Variants in PLXNA2 observed in about 807,000 individuals in gnomAD.
The protein encoded by PLXNA2 is plexin-A2.
In PLXNA2, 91 loss-of-function variants were observed where a neutral mutation model predicts 193.5. That is an observed-to-expected ratio of 0.47 (90% confidence interval 0.40 to 0.56). The LOEUF (loss-of-function observed/expected upper bound fraction) is 0.56, where lower values mean the gene tolerates loss of function less well. Among genes scored for constraint, PLXNA2 ranks in the 20% least tolerant of loss-of-function variants. The pLI is 0.00. For synonymous variants in PLXNA2, 997 were observed against 1,027.3 expected (o/e 0.97, Z 0.56); for missense variants, 1,995 against 2,503.2 (o/e 0.80, Z 4.33).
intron 3 of PLXNA2, among the ~76,000 whole-genome samples, chr1:208,165,294 G>C (rs1427960746): frequency 6.6e-6 from 1 of 152,118 alleles, no homozygotes; most frequent in Non-Finnish European, 1.5e-5. Flanking sequence ...GGAAATAATA[G>C]TACCCTGTGT....
intron 2 of PLXNA2, among the ~76,000 whole-genome samples, chr1:208,213,393 G>A (rs12747458): frequency 0.16 from 24,068 of 152,172 alleles, 2,155 homozygotes; most frequent in Middle Eastern, 0.2. Context: ...TCAAATCCCC[G>A]CTTTATCACT....
chr1:208,205,942 T>A (rs12568006), intron 3 of PLXNA2, among the ~76,000 whole-genome samples: 1,914 of 152,348 alleles, frequency 0.013, 60 homozygotes, highest in East Asian at 0.12. Context: ...TTTCAAGTCC[T>A]AGCTCTGCCA....
intron 12 of PLXNA2, among the ~76,000 whole-genome samples, chr1:208,064,748 G>T (rs536348922): frequency 6.6e-6 from 1 of 152,282 alleles, no homozygotes; most frequent in South Asian, 2.1e-4. Flanking sequence ...TTAGGATCAA[G>T]GATTCGGAGA....
chr1:208,153,093 A>C (rs769579871), intron 3 of PLXNA2, among the ~76,000 whole-genome samples: 17 of 152,188 alleles, frequency 1.1e-4, no homozygotes, highest in Non-Finnish European at 2.2e-4. Flanking sequence ...CCCTGCACAC[A>C]GTAGGCTCTC....
chr1:208,125,257 G>C (rs1222305539), intron 4 of PLXNA2, among the ~76,000 whole-genome samples: 1 of 152,222 alleles, frequency 6.6e-6, no homozygotes, highest in Non-Finnish European at 1.5e-5. Context: ...GAAGTGATCT[G>C]TATACCAGTG....
intron 9 of PLXNA2, among the ~76,000 whole-genome samples, chr1:208,089,251 G>C (rs1189911458): frequency 6.6e-6 from 1 of 152,128 alleles, no homozygotes; most frequent in Non-Finnish European, 1.5e-5. Context: ...AGATGGATTT[G>C]TGCTGGCCCA....
At position 208,025,953 on chromosome 1, in the gene PLXNA2, A is replaced by T. The variant is rs1314928823; in HGVS notation, c.*1290T>A. 1 of 152,648 alleles carries T rather than the reference A, an allele frequency of 6.6e-6. No homozygotes were observed. Among genetic ancestry groups the T allele is most frequent in the East Asian group, 1.9e-4 (1 of 5,198 alleles). The allele number at this position is 152,648 out of a possible 1,614,324, so 9.5% of individuals were successfully genotyped here. On this transcript the variant is annotated 3_prime_UTR_variant, in exon 32 of 32. Coordinates refer to ENST00000367033, the MANE Select transcript of PLXNA2 (RefSeq NM_025179.4). ...AGTGCTGTAGGCCCAGATGGTCAGG[A>T]GCTTCCGTATATGAGCGAAGGGTGG...
chr1:208,152,668 TACAC>T (rs10564360), intron 3 of PLXNA2, among the ~76,000 whole-genome samples: 4 of 137,536 alleles, frequency 2.9e-5, no homozygotes, highest in African/African-American at 8.5e-5. Flanking sequence ...TGCATACACA[TACAC>T]ACACACACAC....
At chr1:208,234,539 T>C (rs1671792650) in intron 1 of PLXNA2, among the ~76,000 whole-genome samples, 1 of 152,150 alleles carries the variant, frequency 6.6e-6, no homozygotes, top group African/African-American at 2.4e-5. Context: ...AGACAGCTAA[T>C]GCTTCTCCCC....
chr1:208,032,294 G>A (rs1178309209), intron 28 of PLXNA2: 6 of 218,990 alleles, frequency 2.7e-5, no homozygotes, highest in Non-Finnish European at 3.9e-5. Context: ...GCAGAGTGCT[G>A]ATCCACAGGG....
At chr1:208,141,421 T>C (rs1668452434) in intron 4 of PLXNA2, among the ~76,000 whole-genome samples, 1 of 152,200 alleles carries the variant, frequency 6.6e-6, no homozygotes, top group African/African-American at 2.4e-5. Context: ...TCTCTGGACC[T>C]TCAGCTCTAC....
rs367700351 is a variant in PLXNA2 at position 208,103,210 on chromosome 1, G to A, written c.1544C>T (p.Thr515Met). 1.5e-5 allele frequency: 24 copies of A among 1,614,046 alleles called. No homozygotes were observed. Among genetic ancestry groups the A allele is most frequent in the South Asian group, 9.9e-5 (9 of 91,058 alleles). ...AGAGCTCAGGCACTCCCCACAAGTC[G>A]TATACTGCTCACATGACTCCACGGG... ...RVPVESCEQY[T>M]TCGECLSSGD... is the part of the protein sequence containing the mutation. Residue 515 changes from threonine (T) to methionine (M), a missense_variant, in exon 5 of 32, where the codon ACG becomes ATG. Thr to Met is a moderately conservative substitution (Grantham distance 81, BLOSUM62 -1). This residue lies in a region of PLXNA2 where 702 missense variants were observed against 812.9 expected (regional missense o/e 0.86). Transcript: ENST00000367033.
intron 1 of PLXNA2, among the ~76,000 whole-genome samples, chr1:208,228,272 C>T (rs558008397): frequency 6.6e-6 from 1 of 152,196 alleles, no homozygotes; most frequent in African/African-American, 2.4e-5. Flanking sequence ...TGCTTCATCT[C>T]TATCTCAGGG....
At chr1:208,105,399 C>T (rs1202561299) in intron 4 of PLXNA2, among the ~76,000 whole-genome samples, 1 of 152,238 alleles carries the variant, frequency 6.6e-6, no homozygotes, top group East Asian at 1.9e-4. Flanking sequence ...GTCCCAAAGG[C>T]TGGAAGAAAG....
chr1:208,214,726 C>G (rs767848203), intron 2 of PLXNA2, among the ~76,000 whole-genome samples: 4 of 152,184 alleles, frequency 2.6e-5, no homozygotes, highest in Non-Finnish European at 1.5e-5. Context: ...TAATAATAAA[C>G]CTAACATTTC....
At position 208,216,950 on chromosome 1, in the gene PLXNA2, C is replaced by G. The variant is rs776513633; in HGVS notation, c.973G>C (p.Ala325Pro). The G allele has an allele frequency of 1.2e-6, 2 of 1,614,104 alleles. No homozygotes were observed. Among genetic ancestry groups the G allele is most frequent in the Non-Finnish European group, 1.7e-6 (2 of 1,180,008 alleles). ...TCGTCCTGGCTGGTGATATTGAAGG[C>G]CTGGGCCAGTGAGTCCCCAGGCTTG... ...LAKPGDSLAQAFNITSQDDVL... is the reference protein window; with the variant it reads ...LAKPGDSLAQPFNITSQDDVL... Residue 325 changes from alanine (A) to proline (P), a missense_variant, in exon 2 of 32, where the codon GCC (alanine) becomes CCC (proline). Around this residue, in one of 3 missense-constraint regions of PLXNA2, gnomAD observed 702 missense variants for 812.9 expected, o/e 0.86. Coordinates refer to ENST00000367033, the MANE Select transcript of PLXNA2 (RefSeq NM_025179.4).
chr1:208,060,320 C>A (rs903662340), intron 13 of PLXNA2, among the ~76,000 whole-genome samples: 2 of 152,230 alleles, frequency 1.3e-5, no homozygotes. Context: ...ACGCACCAAA[C>A]AAATTGTTGC....
At chr1:208,200,028 A>C (rs1419237353) in intron 3 of PLXNA2, among the ~76,000 whole-genome samples, 2 of 152,172 alleles carry the variant, frequency 1.3e-5, no homozygotes, top group Non-Finnish European at 2.9e-5. Context: ...TCTTCCCCTC[A>C]ATTGTCAAGC....
intron 3 of PLXNA2, among the ~76,000 whole-genome samples, chr1:208,151,212 G>A (rs990514683): frequency 1.3e-5 from 2 of 152,156 alleles, no homozygotes; most frequent in Non-Finnish European, 2.9e-5. Context: ...TGGAGGGGTG[G>A]TAGGAGGAAT....
Sources: allele counts gnomAD v4.1 joint callset (sites outside exome capture counted in the v4.1 genomes callset), GRCh38; gene constraint gnomAD v4.1.1; regional missense constraint gnomAD v4.1.1; transcripts MANE v1.5; gene names NCBI Gene and HGNC (gene_info 2026-07-23, HGNC 2026-07-21).